EPG5: variants seen among roughly 807,000 people sequenced by gnomAD.
EPG5 encodes the protein ectopic P granules protein 5 homolog.
EPG5 carries 159 observed loss-of-function variants against 302.7 expected under a neutral mutation model. The ratio of observed to expected loss-of-function variants is 0.53; its 90% CI spans 0.46 to 0.60. EPG5 has a LOEUF of 0.60. Ranked by LOEUF, EPG5 falls within the 20% of genes least tolerant of loss-of-function variation. The pLI, the probability that EPG5 is intolerant of heterozygous loss-of-function variation, is 0.00. For synonymous variants in EPG5, 1,158 were observed against 1,136.8 expected (o/e 1.02, Z -0.37); for missense variants, 2,896 against 3,092.4 (o/e 0.94, Z 1.51).
intron 6 of EPG5, among the ~76,000 whole-genome samples, chr18:45,947,435 G>A (rs113903940): frequency 0.014 from 2,111 of 152,148 alleles, 53 homozygotes; most frequent in African/African-American, 0.048. Context: ...AAAGGTAATG[G>A]AGAGGCTTGT....
intron 41 of EPG5, 58 bp downstream of exon 41, chr18:45,858,500 TAAGCTCTA>T: frequency 8.0e-7 from 1 of 1,248,912 alleles, no homozygotes. Context: ...AAGCTAGACT[TAAGCTCTA>T]AATTCCAAGT....
intron 32 of EPG5, 140 bp from the exon 33 acceptor site, chr18:45,879,354 A>C: frequency 3.2e-6 from 2 of 629,964 alleles, no homozygotes; most frequent in Admixed American, 6.3e-5. Flanking sequence ...ATGAGAAATA[A>C]ATCAATGGTT....
chr18:45,939,654 A>T lies in EPG5; in HGVS notation c.2045T>A (p.Val682Asp), dbSNP rs773856202. Residue 682 changes from valine (V) to aspartate (D), a missense_variant, in exon 10 of 44, where the codon GTT becomes GAT. Physicochemically the swap from Val to Asp is radical, Grantham distance 152. Transcript: ENST00000282041. Reference sequence around the variant, plus strand: ...CCTCAAAAACAGTTCATCAAATTCAACCTGTAGTTTCTCCATAGAGTAGGG... The same window carrying T: ...CCTCAAAAACAGTTCATCAAATTCATCCTGTAGTTTCTCCATAGAGTAGGG... ...QQPYSMEKLQVEFDELFLRAV... is the reference protein window; with the variant it reads ...QQPYSMEKLQDEFDELFLRAV... 1.2e-6 allele frequency: 2 copies of T among 1,613,996 alleles called. No homozygotes were observed. Among genetic ancestry groups the T allele is most frequent in the Non-Finnish European group, 1.7e-6 (2 of 1,180,030 alleles).
intron 1 of EPG5, among the ~76,000 whole-genome samples, chr18:45,956,568 T>C (rs774775293): frequency 6.6e-6 from 1 of 152,062 alleles, no homozygotes; most frequent in Non-Finnish European, 1.5e-5. Context: ...GCAATTCTCC[T>C]GCCTCAGCCT....
At chr18:45,911,442 C>T (rs1446065956) in intron 22 of EPG5, among the ~76,000 whole-genome samples, 16 of 151,878 alleles carry the variant, frequency 1.1e-4, no homozygotes, top group Admixed American at 7.9e-4. Flanking sequence ...CCCGCCACCA[C>T]GCCTGGCTAA....
At chr18:45,945,061 A>G (rs1292184690) in intron 7 of EPG5, among the ~76,000 whole-genome samples, 1 of 152,226 alleles carries the variant, frequency 6.6e-6, no homozygotes, top group Non-Finnish European at 1.5e-5. Flanking sequence ...GGACGCTACC[A>G]TTAAAAAGGG....
intron 35 of EPG5, among the ~76,000 whole-genome samples, chr18:45,871,002 C>G (rs139243834): frequency 6.6e-6 from 1 of 152,112 alleles, no homozygotes; most frequent in East Asian, 1.9e-4. Flanking sequence ...AATTTCTAAA[C>G]GTATGGCTTT....
At chr18:45,912,555 T>C (rs2049930524) in intron 21 of EPG5, 99 bp from the exon 22 acceptor site, 1 of 1,156,732 alleles carries the variant, frequency 8.6e-7, no homozygotes, top group Non-Finnish European at 1.2e-6. Context: ...AACATTCTGT[T>C]TTCAATTCAA....
chr18:45,828,080 C>T, the EPG5 span, among the ~76,000 whole-genome samples: 1 of 152,342 alleles, frequency 6.6e-6, no homozygotes, highest in Admixed American at 6.5e-5. Context: ...CTGGGAGCCT[C>T]TCCTCATGGC....
At chr18:45,802,614 G>A in the EPG5 span, among the ~76,000 whole-genome samples, 1 of 152,050 alleles carries the variant, frequency 6.6e-6, no homozygotes, top group African/African-American at 2.4e-5. Context: ...AGGAGGTGGG[G>A]ACTAAGCCCA....
intron 29 of EPG5, 116 bp downstream of exon 29, chr18:45,887,635 G>A: frequency 1.2e-6 from 1 of 845,338 alleles, no homozygotes; most frequent in Non-Finnish European, 1.7e-6. Context: ...CTTCTGACTT[G>A]GGTAAGACTC....
the EPG5 span, chr18:45,839,164 A>G: frequency 2.2e-6 from 3 of 1,335,934 alleles, no homozygotes; most frequent in Non-Finnish European, 1.9e-6. Flanking sequence ...AGATAAGACC[A>G]CCTGGCTGAC....
Position 45,865,713 on chromosome 18 carries a change from A to T in EPG5, c.6668T>A (p.Phe2223Tyr). 6.2e-7 allele frequency: 1 copy of T among 1,613,742 alleles called. No homozygotes were observed. Among genetic ancestry groups the T allele is most frequent in the Admixed American group, 1.7e-5 (1 of 59,956 alleles). ...TCCATTTTGTTCCAGGGTGCTGAGG[A>T]ATTGAACCATCTGATGAGTAAAAGC... Reference protein sequence around the residue: ...CQAFTHQMVQFLSTLEQNGKI... With the variant: ...CQAFTHQMVQYLSTLEQNGKI... The change falls in exon 39 of 44, where the codon TTC (phenylalanine) becomes TAC (tyrosine). Residue 2223 changes from phenylalanine to tyrosine, a missense_variant. By Grantham distance (22) the Phe-to-Tyr change is conservative (BLOSUM62 3). Coordinates refer to ENST00000282041, the MANE Select transcript of EPG5 (RefSeq NM_020964.3).
At position 45,899,470 on chromosome 18, in the gene EPG5, T is replaced by C. The variant is rs1225206726; in HGVS notation, c.4743A>G (p.Thr1581=). The change falls in exon 27 of 44, where the codon ACA becomes ACG. Residue 1581 remains threonine, a synonymous_variant. Coordinates refer to ENST00000282041, the MANE Select transcript of EPG5 (RefSeq NM_020964.3). ...KQYVNREEQT[T]LHLECRGSSG... Reference sequence around the variant, plus strand: ...TGCTGCCTCTGCACTCCAAATGTAGTGTGGTCTGTTCTTCACGATTCACAT... The same window carrying C: ...TGCTGCCTCTGCACTCCAAATGTAGCGTGGTCTGTTCTTCACGATTCACAT... 1.2e-6 allele frequency: 2 copies of C among 1,614,228 alleles called. No homozygotes were observed.
chr18:45,814,521 C>T, the EPG5 span, among the ~76,000 whole-genome samples: 2 of 152,094 alleles, frequency 1.3e-5, no homozygotes, highest in African/African-American at 2.4e-5. Context: ...ATAATGCATA[C>T]ATGTTAAATT....
Position 45,849,305 on chromosome 18 carries a change from C to T in EPG5, c.*3162G>A, listed in dbSNP as rs2048394793. On this transcript the variant is annotated 3_prime_UTR_variant, in exon 44 of 44. Transcript: ENST00000282041. ...CTTGGTTCAATAGAAAGCAGAACTA[C>T]AGAGCCTGCGGATGGCAGCCTAGGC... 1 of 152,286 alleles carries T rather than the reference C, an allele frequency of 6.6e-6. No homozygotes were observed. Among genetic ancestry groups the T allele is most frequent in the Non-Finnish European group, 1.5e-5 (1 of 68,124 alleles). 9.4% of individuals were successfully genotyped at this position (152,286 alleles called of 1,614,324 possible).
chr18:45,834,155 C>T, the EPG5 span, among the ~76,000 whole-genome samples: 3 of 152,292 alleles, frequency 2.0e-5, no homozygotes, highest in South Asian at 4.1e-4. Flanking sequence ...GAAGTGACAT[C>T]GCCTCTCTCA....
Position 45,955,316 on chromosome 18 carries a change from G to A in EPG5, c.86C>T (p.Pro29Leu). 1 of 1,584,212 alleles carries A rather than the reference G, an allele frequency of 6.3e-7. No individual in the cohort carries two copies. The highest frequency in any genetic ancestry group is 2.3e-5 in the East Asian group (1 of 44,144). ...KTKEKKKYET[P>L]QREESSEVSL... Reference sequence around the variant, plus strand: ...GACTTCACTGGACTCTTCCCTCTGAGGAGTTTCATACTTCTTCTTTTCCTA... The same window carrying A: ...GACTTCACTGGACTCTTCCCTCTGAAGAGTTTCATACTTCTTCTTTTCCTA... Residue 29 changes from proline to leucine, a missense_variant, in exon 2 of 44, where the codon CCT becomes CTT. Pro to Leu is a moderately conservative substitution (Grantham distance 98, BLOSUM62 -3). This residue lies in a region of EPG5 where 1,390 missense variants were observed against 1,430.0 expected (regional missense o/e 0.97). Coordinates refer to ENST00000282041, the MANE Select transcript of EPG5 (RefSeq NM_020964.3).
rs1176818060 is a variant in EPG5 at position 45,949,580 on chromosome 18, T to C, written c.1401A>G (p.Leu467=). The change falls in exon 5 of 44, where the codon CTA becomes CTG. Residue 467 remains leucine (L), a synonymous_variant. Transcript: ENST00000282041. Reference sequence around the variant, plus strand: ...GATCTCCAGGACAGCCAACTCTTTGTAGCACGGATACCTGAACAATAAAGG... The same window carrying C: ...GATCTCCAGGACAGCCAACTCTTTGCAGCACGGATACCTGAACAATAAAGG... The part of the protein sequence containing the change: ...LLWLQKLVSV[L]QRVGCPGDHL... The C allele has an allele frequency of 6.2e-7, 1 of 1,607,922 alleles. No individual in the cohort carries two copies. Among genetic ancestry groups the C allele is most frequent in the Non-Finnish European group, 8.5e-7 (1 of 1,174,682 alleles).
Sources: allele counts gnomAD v4.1 joint callset (sites outside exome capture counted in the v4.1 genomes callset), GRCh38; gene constraint gnomAD v4.1.1; regional missense constraint gnomAD v4.1.1; transcripts MANE v1.5; gene names NCBI Gene and HGNC (gene_info 2026-07-23, HGNC 2026-07-21).